RELN: variants seen among roughly 807,000 people sequenced by gnomAD.
RELN encodes the protein reelin.
Under a neutral mutation model 427.6 loss-of-function variants are expected in RELN, and 108 were observed. The ratio of observed to expected loss-of-function variants is 0.25; its 90% CI spans 0.22 to 0.30. The LOEUF (loss-of-function observed/expected upper bound fraction) is 0.30, where lower values mean the gene tolerates loss of function less well. Ranked by LOEUF, RELN falls within the 10% of genes least tolerant of loss-of-function variation. The pLI, the probability that RELN is intolerant of heterozygous loss-of-function variation, is 1.00. For synonymous variants in RELN, 1,524 were observed against 1,513.4 expected (o/e 1.01, Z -0.16); for missense variants, 3,715 against 4,302.8 (o/e 0.86, Z 3.82).
At chr7:103,682,415 C>A (rs1028359914) in intron 10 of RELN, among the ~76,000 whole-genome samples, 154 bp from the exon 11 acceptor site, 7 of 152,086 alleles carry the variant, frequency 4.6e-5, no homozygotes, top group Admixed American at 2.6e-4. Flanking sequence ...CTCTTTTTTG[C>A]CTTGTTTAAT....
chr7:103,482,743 T>C lies in RELN; in HGVS notation c.10280+130A>G, dbSNP rs1828286547. 9 of 1,544,506 alleles carry C rather than the reference T, an allele frequency of 5.8e-6. No individual in the cohort carries two copies. In the East Asian group the frequency reaches 1.2e-4, roughly 20 times the overall value. Reference sequence around the variant, plus strand: ...GCTATAGCTTGCAGTTGCAAAAGAGTGTAAGCCAAAGTGCTCCTGTGGGGG... The same window carrying C: ...GCTATAGCTTGCAGTTGCAAAAGAGCGTAAGCCAAAGTGCTCCTGTGGGGG... On this transcript the variant is annotated intron_variant, in intron 63 of 64. Coordinates refer to ENST00000428762, the MANE Select transcript of RELN (RefSeq NM_005045.4).
At chr7:103,877,659 C>T (rs1016398184) in intron 2 of RELN, among the ~76,000 whole-genome samples, 1 of 151,998 alleles carries the variant, frequency 6.6e-6, no homozygotes, top group Non-Finnish European at 1.5e-5. Flanking sequence ...GTCCAACTCC[C>T]TAGTATAACC....
chr7:103,910,000 G>A (rs1445134389), intron 2 of RELN, among the ~76,000 whole-genome samples: 4 of 138,170 alleles, frequency 2.9e-5, no homozygotes, highest in African/African-American at 1.1e-4. Context: ...AATTACCTTG[G>A]GCAGTATGGC....
chr7:103,718,253 T>A (rs1032019783), intron 8 of RELN, among the ~76,000 whole-genome samples: 2 of 151,554 alleles, frequency 1.3e-5, no homozygotes, highest in African/African-American at 4.8e-5. Flanking sequence ...CATCTGTGTA[T>A]CTTAATAAGT....
At chr7:103,568,645 G>T (rs1011574942) in intron 31 of RELN, among the ~76,000 whole-genome samples, 23 of 152,206 alleles carry the variant, frequency 1.5e-4, no homozygotes, top group African/African-American at 5.5e-4. Context: ...TGTTGCTCAA[G>T]ATATGTCCTA....
At chr7:103,474,866 A>G (rs1827979159) in intron 64 of RELN, among the ~76,000 whole-genome samples, 1 of 152,096 alleles carries the variant, frequency 6.6e-6, no homozygotes, top group South Asian at 2.1e-4. Context: ...GTATAACTGA[A>G]TGCATAATTG....
At chr7:103,703,893 G>C (rs1457309695) in intron 8 of RELN, among the ~76,000 whole-genome samples, 3 of 152,102 alleles carry the variant, frequency 2.0e-5, no homozygotes, top group East Asian at 3.9e-4. Flanking sequence ...AGGCAAATGA[G>C]GAAAGCCCAT....
intron 19 of RELN, among the ~76,000 whole-genome samples, chr7:103,630,840 G>GTTTTTT (rs1265435565): frequency 2.3e-5 from 2 of 87,558 alleles, no homozygotes; most frequent in African/African-American, 1.1e-4. Flanking sequence ...AAAGGGCTGA[G>GTTTTTT]TTATTTTTTT....
Position 103,769,294 on chromosome 7 carries a change from T to TGGGA in RELN, c.544+7259_544+7262dup, listed in dbSNP as rs142768154. 7.7e-3 allele frequency among the ~76,000 whole-genome samples: 1,168 copies of TGGGA among 152,272 alleles called. 11 individuals carry two copies. The highest frequency in any genetic ancestry group is 0.026 in the African/African-American group (1,081 of 41,556). ...TCATAAGGGTTGCTCCCCCTGTGAA[T>TGGGA]GGGATTAAGGTCCTTATTAAGGAGG... is the stretch of plus-strand genomic sequence containing the variant. On this transcript the variant is annotated intron_variant, in intron 4 of 64. Coordinates refer to ENST00000428762, the MANE Select transcript of RELN (RefSeq NM_005045.4).
At chr7:103,933,503 G>GAGGA (rs1795909153) in intron 1 of RELN, among the ~76,000 whole-genome samples, 1 of 148,886 alleles carries the variant, frequency 6.7e-6, no homozygotes, top group East Asian at 2.0e-4. Context: ...GGAAGGGAGG[G>GAGGA]AGGGAGGGAG....
rs915992630 is a variant in RELN at position 103,722,279 on chromosome 7, T to C, written c.805+861A>G. On this transcript the variant is annotated intron_variant, in intron 8 of 64. Transcript: ENST00000428762. ...CTGGCTGTAGAACACTGACTTGCAA[T>C]TTGGAATAGAAGAATCCTGAGAGAA... Among the ~76,000 whole-genome samples, 14 of 152,194 alleles carry C rather than the reference T, an allele frequency of 9.2e-5. No homozygotes were observed. In the South Asian group the frequency reaches 1.7e-3, roughly 18 times the overall value.
intron 41 of RELN, among the ~76,000 whole-genome samples, chr7:103,550,248 AT>A (rs1426772204): frequency 3.9e-5 from 6 of 152,228 alleles, no homozygotes; most frequent in Non-Finnish European, 7.3e-5. Context: ...AGTACTAGGT[AT>A]TAGTAGTCTT....
chr7:103,652,839 G>T, intron 13 of RELN, 80 bp from the exon 14 acceptor site: 1 of 1,263,232 alleles, frequency 7.9e-7, no homozygotes, highest in Non-Finnish European at 1.2e-6. Context: ...TTGACCTAAT[G>T]AACGCTATGT....
At chr7:103,672,359 G>A (rs138823047) in intron 11 of RELN, among the ~76,000 whole-genome samples, 44 of 152,246 alleles carry the variant, frequency 2.9e-4, no homozygotes, top group East Asian at 2.1e-3. Context: ...CAAAGATGGC[G>A]TGGAAATGTG....
intron 6 of RELN, among the ~76,000 whole-genome samples, chr7:103,731,184 A>G (rs1356418955): frequency 6.6e-6 from 1 of 152,134 alleles, no homozygotes; most frequent in Non-Finnish European, 1.5e-5. Context: ...AGTAAGAGAA[A>G]GCCTTCAAAG....
chr7:103,893,763 T>C (rs537417785), intron 2 of RELN, among the ~76,000 whole-genome samples: 7 of 152,228 alleles, frequency 4.6e-5, no homozygotes, highest in East Asian at 1.9e-4. Context: ...CAAGAAACAA[T>C]ACTTATGTTT....
chr7:103,909,701 AATAT>A (rs1401146769), intron 2 of RELN, among the ~76,000 whole-genome samples: 3 of 50,974 alleles, frequency 5.9e-5, no homozygotes, highest in East Asian at 6.8e-4. Flanking sequence ...ATATATATTT[AATAT>A]ATATAAATAT....
intron 19 of RELN, among the ~76,000 whole-genome samples, 173 bp from the exon 20 acceptor site, chr7:103,630,349 C>G (rs1832425134): frequency 6.6e-6 from 1 of 152,138 alleles, no homozygotes; most frequent in Non-Finnish European, 1.5e-5. Context: ...CAGTCTTCCA[C>G]ACACACCCCA....
chr7:103,975,381 A>G (rs1207541343), intron 1 of RELN, among the ~76,000 whole-genome samples: 2 of 152,204 alleles, frequency 1.3e-5, no homozygotes, highest in African/African-American at 4.8e-5. Context: ...TGCTTTGATG[A>G]GGTTTTAAGG....
Sources: allele counts gnomAD v4.1 joint callset (sites outside exome capture counted in the v4.1 genomes callset), GRCh38; gene constraint gnomAD v4.1.1; transcripts MANE v1.5; gene names NCBI Gene and HGNC (gene_info 2026-07-23, HGNC 2026-07-21).